ASPHD1: variants seen among roughly 807,000 people sequenced by gnomAD.
ASPHD1 encodes aspartate beta-hydroxylase domain-containing protein 1.
Under a neutral mutation model 28.3 loss-of-function variants are expected in ASPHD1, and 20 were observed. That is an observed-to-expected ratio of 0.71 (90% CI 0.50 to 1.03). ASPHD1 has a LOEUF of 1.03. ASPHD1 is among the 50% of genes least tolerant of loss of function. The probability of loss-of-function intolerance (pLI) is 0.00; values close to 1 mark genes in which losing one functional copy is unlikely to be tolerated. For synonymous variants in ASPHD1, 240 were observed against 221.2 expected, an observed-to-expected ratio of 1.08 and a Z score of -0.75; for missense variants, 479 against 524.1, an observed-to-expected ratio of 0.91 and a Z score of 0.84.
chr16:29,912,330 T>C (rs1306203636), intron 3 of ASPHD1: 2 of 521,330 alleles, frequency 3.8e-6, no homozygotes, highest in South Asian at 2.5e-5. Flanking sequence ...CAGCGTGGCG[T>C]GTCCGTCATG....
Position 29,901,496 on chromosome 16 carries a change from T to C in ASPHD1, c.525T>C (p.Pro175=). The C allele has an allele frequency of 6.2e-7, 1 of 1,601,312 alleles. No homozygotes were observed. Among genetic ancestry groups the C allele is most frequent in the South Asian group, 1.1e-5 (1 of 90,690 alleles). The change falls in exon 1 of 3, where the codon CCT becomes CCC. Residue 175 remains proline, a synonymous_variant. Transcript: ENST00000308748. The surrounding 1 kb of genome is among the most constrained non-coding windows in gnomAD (Gnocchi z 5.1). ...GGGCAGCTCAGGGTGGCCCAGGCCC[T>C]GGGAGAGGGCCAGGGGTCCTAGGTA... ...VRRAAQGGPG[P]GRGPGVLGIQ... is the part of the protein sequence containing the mutation.
rs1246460346 is a variant in ASPHD1, at chr16:29,902,889, C to CT, written c.949+985dup. 4.2e-4 allele frequency among the ~76,000 whole-genome samples: 55 copies of CT among 129,812 alleles called. 1 individual carries two copies. Among genetic ancestry groups the CT allele is most frequent in the East Asian group, 1.8e-3 (8 of 4,456 alleles). The allele number at this position is 129,812 out of a possible 152,430, so 85.2% of individuals were successfully genotyped here. A position where few individuals can be genotyped will look rare whatever the true frequency, so the allele number is the denominator to read the frequency against. ...CACCAAACTGAGATTTTTTCTTTTT[C>CT]TTTTTTTTTTTTTTTTGAGACAGGG... On this transcript the variant is annotated intron_variant, in intron 1 of 2. Transcript: ENST00000308748.
At chr16:29,918,296 G>A (rs1461345792) in intron 3 of ASPHD1, among the ~76,000 whole-genome samples, 2 of 152,154 alleles carry the variant, frequency 1.3e-5, no homozygotes, top group Non-Finnish European at 2.9e-5. Context: ...CAATGATAGA[G>A]AAATCAAACC....
chr16:29,904,937 C>G lies in ASPHD1; in HGVS notation c.1035C>G (p.Asp345Glu). 6.2e-7 allele frequency: 1 copy of G among 1,613,282 alleles called. No homozygotes were observed. The highest frequency in any genetic ancestry group is 1.1e-5 in the South Asian group (1 of 90,984). ...WAEGHCLLVD[D>E]SFLHTVAHNG... ...AGGGGCACTGTCTACTGGTGGACGA[C>G]TCTTTTCTACACACAGTGGCTCACA... is the stretch of plus-strand genomic sequence containing the variant. Residue 345 changes from aspartate to glutamate, a missense_variant, in exon 2 of 3, where the codon GAC (aspartate) becomes GAG (glutamate). Transcript: ENST00000308748.
chr16:29,905,722 G>T (rs1293156627), intron 2 of ASPHD1, 66 bp from the exon 3 acceptor site: 1 of 1,050,850 alleles, frequency 9.5e-7, no homozygotes. Flanking sequence ...ATGGTGTTTG[G>T]TGAGTGCTCT....
chr16:29,903,242 G>A (rs2068570559), intron 1 of ASPHD1, among the ~76,000 whole-genome samples: 1 of 151,968 alleles, frequency 6.6e-6, no homozygotes, highest in African/African-American at 2.4e-5. Context: ...TGTAATCCCA[G>A]CTACTCGGGA....
chr16:29,912,119 A>G, intron 3 of ASPHD1: 1 of 1,105,910 alleles, frequency 9.0e-7, no homozygotes, highest in Non-Finnish European at 1.3e-6. Context: ...AAAAGCCTTC[A>G]AAAGCTGGTT....
Position 29,901,732 on chromosome 16 carries a change from T to C in ASPHD1, c.761T>C (p.Leu254Pro). 6.4e-7 allele frequency: 1 copy of C among 1,562,088 alleles called. No individual in the cohort carries two copies. The highest frequency in any genetic ancestry group is 1.2e-5 in the South Asian group (1 of 83,368). ...GCCCCCGGGTGCTACCAGCTCCTGC[T>C]GTACCAAGCAGGCCGGTGCCAACCC... is the stretch of plus-strand genomic sequence containing the variant. ...PLAPGCYQLL[L>P]YQAGRCQPSN... Residue 254 changes from leucine (L) to proline (P), a missense_variant, in exon 1 of 3, where the codon CTG becomes CCG. Leu to Pro is a moderately conservative substitution (Grantham distance 98). Transcript: ENST00000308748. This position sits in a 1 kb window ranked among gnomAD's most constrained non-coding sequence, Gnocchi z 5.1.
At chr16:29,906,401 CAG>C, downstream of ASPHD1, 1 of 303,922 alleles carries the variant, frequency 3.3e-6, no homozygotes, top group South Asian at 2.9e-5. Context: ...TAATATGAAA[CAG>C]ACTGATAACG....
intron 3 of ASPHD1, among the ~76,000 whole-genome samples, chr16:29,916,831 CT>C (rs1403372123): frequency 4.0e-4 from 61 of 152,334 alleles, no homozygotes; most frequent in Non-Finnish European, 7.5e-4. Context: ...TTGGCTAGGG[CT>C]GCAGTCATCA....
At chr16:29,916,568 A>C (rs2068812814) in intron 3 of ASPHD1, among the ~76,000 whole-genome samples, 1 of 152,332 alleles carries the variant, frequency 6.6e-6, no homozygotes, top group South Asian at 2.1e-4. Flanking sequence ...CAAACTCAGC[A>C]GCTTAAAACA....
intron 3 of ASPHD1, chr16:29,911,705 C>A: frequency 8.5e-7 from 1 of 1,179,618 alleles, no homozygotes; most frequent in Non-Finnish European, 1.2e-6. Context: ...TGCGAGCAGG[C>A]ACAGATGTTC....
downstream of ASPHD1, among the ~76,000 whole-genome samples, chr16:29,909,900 A>G (rs145080160): frequency 1.3e-5 from 2 of 151,896 alleles, no homozygotes; most frequent in Non-Finnish European, 2.9e-5. Context: ...CGAAGTCTCT[A>G]CTAAAGAGAC....
chr16:29,912,036 G>C, intron 3 of ASPHD1: 4 of 1,607,168 alleles, frequency 2.5e-6, no homozygotes, highest in Non-Finnish European at 3.4e-6. Context: ...CGGGGACAGC[G>C]TCTCCCTTTT....
intron 3 of ASPHD1, among the ~76,000 whole-genome samples, chr16:29,916,281 G>T (rs2068808015): frequency 1.3e-5 from 2 of 152,016 alleles, no homozygotes; most frequent in African/African-American, 2.4e-5. Flanking sequence ...TAGAGACAAG[G>T]TCTCACTATA....
chr16:29,916,905 T>C (rs2068819873), intron 3 of ASPHD1, among the ~76,000 whole-genome samples: 1 of 152,168 alleles, frequency 6.6e-6, no homozygotes, highest in South Asian at 2.1e-4. Context: ...GCGGGGAGTC[T>C]GTGCTTGCTG....
Position 29,904,948 on chromosome 16 carries a change from A to G in ASPHD1, c.1046A>G (p.His349Arg). ...HCLLVDDSFLHTVAHNGSPED... is the reference protein window; with the variant it reads ...HCLLVDDSFLRTVAHNGSPED... ...CTACTGGTGGACGACTCTTTTCTAC[A>G]CACAGTGGCTCACAATGGTAACGGG... The change falls in exon 2 of 3, where the codon CAC (histidine) becomes CGC (arginine). Residue 349 changes from histidine to arginine, a missense_variant. Physicochemically the swap from His to Arg is conservative, Grantham distance 29. Transcript: ENST00000308748. 6.2e-7 allele frequency: 1 copy of G among 1,612,746 alleles called. No individual in the cohort carries two copies.
At chr16:29,911,407 G>T (rs2068706766) in intron 3 of ASPHD1, 2 of 566,830 alleles carry the variant, frequency 3.5e-6, no homozygotes, top group African/African-American at 1.9e-5. Context: ...GGGACCGGGA[G>T]CCAGGCCACC....
chr16:29,905,462 T>G (rs1369453931), intron 2 of ASPHD1, among the ~76,000 whole-genome samples: 3 of 151,498 alleles, frequency 2.0e-5, no homozygotes, highest in African/African-American at 7.3e-5. Flanking sequence ...CCCGTCTCTA[T>G]TAAACATACA....
Sources: gnomAD v4.1 joint callset for allele counts (sites outside exome capture counted in the v4.1 genomes callset) on GRCh38, gnomAD v4.1.1 for gene constraint, Gnocchi (gnomAD v3.1) non-coding constraint, MANE v1.5 for transcripts, NCBI Gene and HGNC (gene_info 2026-07-23, HGNC 2026-07-21) for gene names.